CD226: variants seen among roughly 807,000 people sequenced by gnomAD.
CD226 encodes the protein CD226 antigen.
CD226 carries 24 observed loss-of-function variants against 34.9 expected under a neutral mutation model. The observed-to-expected ratio is 0.69, with a 90% CI of 0.50 to 0.97. The LOEUF is 0.97. CD226 is among the 50% of genes least tolerant of loss of function. The pLI, the probability that CD226 is intolerant of heterozygous loss-of-function variation, is 0.00. For synonymous variants in CD226, 148 were observed against 147.4 expected (o/e 1.00, Z -0.03); for missense variants, 397 against 412.7 (o/e 0.96, Z 0.33).
intron 3 of CD226, among the ~76,000 whole-genome samples, chr18:69,888,416 C>CT (rs397771802): frequency 0.68 from 85,663 of 125,072 alleles, 31,028 homozygotes; most frequent in Non-Finnish European, 0.8. Flanking sequence ...TTTCCTTTCT[C>CT]TTTTTTTTTT....
At chr18:69,943,886 A>G (rs1438519176) in intron 2 of CD226, among the ~76,000 whole-genome samples, 13 of 152,056 alleles carry the variant, frequency 8.5e-5, no homozygotes, top group Non-Finnish European at 1.6e-4. Flanking sequence ...AAAAATCAAC[A>G]TATTTACAGA....
intron 2 of CD226, among the ~76,000 whole-genome samples, chr18:69,924,692 CAAAAAAAAAAA>C (rs56118102): frequency 3.0e-4 from 17 of 57,110 alleles, no homozygotes; most frequent in African/African-American, 9.8e-4. Flanking sequence ...AAGGTATTGC[CAAAAAAAAAAA>C]AAAAAAAAAG....
intron 2 of CD226, among the ~76,000 whole-genome samples, chr18:69,936,338 G>A (rs1238308100): frequency 6.6e-6 from 1 of 152,158 alleles, no homozygotes; most frequent in Non-Finnish European, 1.5e-5. Context: ...CACAGGGAAA[G>A]CACGTGGATA....
At chr18:69,889,196 A>C (rs1441080004) in intron 3 of CD226, among the ~76,000 whole-genome samples, 1 of 151,862 alleles carries the variant, frequency 6.6e-6, no homozygotes, top group East Asian at 1.9e-4. Context: ...AATTGGGCTG[A>C]AAATTGTGGT....
chr18:69,900,533 C>T (rs537887635), intron 2 of CD226, among the ~76,000 whole-genome samples: 5 of 151,294 alleles, frequency 3.3e-5, no homozygotes, highest in African/African-American at 1.2e-4. Flanking sequence ...GAGATCGAGA[C>T]CATCCTGGCT....
At chr18:69,930,597 TG>T (rs1424422361) in intron 2 of CD226, among the ~76,000 whole-genome samples, 1 of 152,140 alleles carries the variant, frequency 6.6e-6, no homozygotes, top group Admixed American at 6.5e-5. Flanking sequence ...AGGACCTACC[TG>T]AAGTGAGAAT....
Position 69,947,462 on chromosome 18 carries a change from A to C in CD226, c.-56T>G. 9.0e-7 allele frequency: 1 copy of C among 1,115,140 alleles called. No individual in the cohort carries two copies. The highest frequency in any genetic ancestry group is 2.4e-5 in the East Asian group (1 of 41,840). The allele number at this position is 1,115,140 out of a possible 1,614,324, so 69.1% of individuals were successfully genotyped here. On this transcript the variant is annotated 5_prime_UTR_variant, in exon 1 of 6. Transcript: ENST00000582621. ...TTAAAAAAAAAAATTGCTTTTTATA[A>C]TGTGACATGCAGATCCCCAGCACAA...
At chr18:69,927,379 C>CACACAA (rs1419192149) in intron 2 of CD226, among the ~76,000 whole-genome samples, 1 of 151,356 alleles carries the variant, frequency 6.6e-6, no homozygotes, top group African/African-American at 2.4e-5. Flanking sequence ...CACACACACA[C>CACACAA]ACACACACAA....
rs537433150 is a variant in CD226, at chr18:69,921,011, G to A, written c.383-24966C>T. Among the ~76,000 whole-genome samples the A allele has an allele frequency of 5.9e-5, 9 of 152,224 alleles. No individual in the cohort carries two copies. The South Asian group carries it at 8.3e-4, about 14-fold the overall frequency. On this transcript the variant is annotated intron_variant, in intron 2 of 5. Coordinates refer to ENST00000582621, the MANE Select transcript of CD226 (RefSeq NM_001303618.2). ...TTTTTCCCATCTGCAGGTCACTGCC[G>A]TCACAGGACGCAATTGCTCAGTTCT...
rs375556594 is a variant in CD226, at chr18:69,924,384, T to C, written c.382+22350A>G. The stretch of plus-strand genomic sequence containing the variant: ...AATATGCACTTTGAATCATCTGTCA[T>C]GATCAAATGACAAAAGGTGATTCTG... On this transcript the variant is annotated intron_variant, in intron 2 of 5. Transcript: ENST00000582621. Among the ~76,000 whole-genome samples the C allele has an allele frequency of 6.6e-4, 101 of 152,252 alleles. 1 individual carries two copies. Among genetic ancestry groups the C allele is most frequent in the African/African-American group, 2.4e-3 (101 of 41,570 alleles).
At chr18:69,911,559 C>T (rs1248099296) in intron 2 of CD226, among the ~76,000 whole-genome samples, 1 of 152,136 alleles carries the variant, frequency 6.6e-6, no homozygotes, top group Non-Finnish European at 1.5e-5. Context: ...TCCACTTCAC[C>T]CATCCCCGCA....
At position 69,862,955 on chromosome 18, in the gene CD226, C is replaced by T. The variant is rs537989723; in HGVS notation, c.*1359G>A. On this transcript the variant is annotated 3_prime_UTR_variant, in exon 6 of 6. Transcript: ENST00000582621. ...ACTATATTTAACAATAACCATTGTCCTTTCAAGGTAACCATGACAGTTTTA... is the reference window on the plus strand; with the variant it reads ...ACTATATTTAACAATAACCATTGTCTTTTCAAGGTAACCATGACAGTTTTA... 1 of 152,198 alleles carries T rather than the reference C, an allele frequency of 6.6e-6. No individual in the cohort carries two copies. Among genetic ancestry groups the T allele is most frequent in the East Asian group, 1.9e-4 (1 of 5,180 alleles). The allele number at this position is 152,198 out of a possible 1,614,324, so 9.4% of individuals were successfully genotyped here.
chr18:69,881,886 T>C (rs1403879706), intron 3 of CD226, among the ~76,000 whole-genome samples: 1 of 152,236 alleles, frequency 6.6e-6, no homozygotes, highest in African/African-American at 2.4e-5. Flanking sequence ...GATATTGGTA[T>C]GGTAATATTA....
chr18:69,917,040 G>A (rs1266272745), intron 2 of CD226, among the ~76,000 whole-genome samples: 1 of 152,038 alleles, frequency 6.6e-6, no homozygotes, highest in African/African-American at 2.4e-5. Context: ...CTACTTCTCT[G>A]CTTTCCCACT....
At chr18:69,896,137 T>A in intron 2 of CD226, 92 bp from the exon 3 acceptor site, 1 of 1,479,488 alleles carries the variant, frequency 6.8e-7, no homozygotes, top group Non-Finnish European at 8.9e-7. Context: ...ATTGGTGATG[T>A]TACCTAACAC....
chr18:69,934,684 G>GT (rs1420003685), intron 2 of CD226, among the ~76,000 whole-genome samples: 2 of 152,258 alleles, frequency 1.3e-5, no homozygotes, highest in African/African-American at 4.8e-5. Context: ...TTTTTAAAGT[G>GT]TAAGTTGGTT....
chr18:69,939,362 A>AT lies in CD226; in HGVS notation c.382+7371dup, dbSNP rs201852559. On this transcript the variant is annotated intron_variant, in intron 2 of 5. Transcript: ENST00000582621. Reference sequence around the variant, plus strand: ...AAAGAAAAGGAACCCTAGTTTACCTATTTTTTTTGGTAACTTGCTCTTTTC... The same window carrying AT: ...AAAGAAAAGGAACCCTAGTTTACCTATTTTTTTTTGGTAACTTGCTCTTTTC... 1.0e-3 allele frequency among the ~76,000 whole-genome samples: 154 copies of AT among 152,060 alleles called. 3 individuals are homozygous for AT. Among genetic ancestry groups the AT allele is most frequent in the African/African-American group, 3.3e-3 (139 of 41,508 alleles).
At chr18:69,917,011 TTA>T (rs2055394032) in intron 2 of CD226, among the ~76,000 whole-genome samples, 1 of 152,176 alleles carries the variant, frequency 6.6e-6, no homozygotes, top group South Asian at 2.1e-4. Context: ...TTCCTCCTCC[TTA>T]ATAGCCTTAC....
At chr18:69,946,258 G>C (rs2055791087) in intron 2 of CD226, among the ~76,000 whole-genome samples, 1 of 146,404 alleles carries the variant, frequency 6.8e-6, no homozygotes, top group Non-Finnish European at 1.5e-5. Context: ...AAGAAAGAAA[G>C]AGAGAGAGAG....
Sources: gnomAD v4.1 joint callset for allele counts (sites outside exome capture counted in the v4.1 genomes callset) on GRCh38, gnomAD v4.1.1 for gene constraint, MANE v1.5 for transcripts, NCBI Gene and HGNC (gene_info 2026-07-23, HGNC 2026-07-21) for gene names.